Variants in SKOR1 observed in about 807,000 individuals in gnomAD.
SKOR1 encodes the protein LBX1 corepressor 1.
A neutral mutation model predicts 72.4 loss-of-function variants in SKOR1; 38 were observed. That is an observed-to-expected ratio of 0.52 (90% CI 0.40 to 0.69). SKOR1 has a LOEUF of 0.69. Ranked by LOEUF, SKOR1 falls within the 30% of genes least tolerant of loss-of-function variation. The probability of loss-of-function intolerance (pLI) is 0.00; values close to 1 mark genes in which losing one functional copy is unlikely to be tolerated. For missense variants in SKOR1, 1,320 were observed against 1,343.2 expected (o/e 0.98, Z 0.27); for synonymous variants, 642 against 599.4 (o/e 1.07, Z -1.04).
At position 67,828,046 on chromosome 15, in the gene SKOR1, G is replaced by A. The variant is rs2090979229; in HGVS notation, c.2218G>A (p.Asp740Asn). The A allele has an allele frequency of 6.5e-7, 1 of 1,539,084 alleles. No homozygotes were observed. Among genetic ancestry groups the A allele is most frequent in the Non-Finnish European group, 8.7e-7 (1 of 1,144,950 alleles). Residue 740 changes from aspartate to asparagine, a missense_variant, in exon 2 of 9, where the codon GAC (aspartate) becomes AAC (asparagine). Physicochemically the swap from Asp to Asn is conservative, Grantham distance 23. Around this residue, in one of 3 missense-constraint regions of SKOR1, gnomAD observed 1,099 missense variants for 1,025.5 expected, o/e 1.07. Transcript: ENST00000380035. ...CGCATTTGGGGACTTGGCAGCCGAA[G>A]ACTTGGTGCGGAGACCTGAGAGGAG... is the stretch of plus-strand genomic sequence containing the variant. The part of the protein sequence containing the change: ...RPAFGDLAAE[D>N]LVRRPERSPP...
At position 67,826,108 on chromosome 15, in the gene SKOR1, G is replaced by A. The variant is rs761119999; in HGVS notation, c.280G>A (p.Gly94Ser). The A allele has an allele frequency of 3.1e-6, 5 of 1,599,734 alleles. No homozygotes were observed. In the South Asian group the frequency reaches 3.3e-5, roughly 11 times the overall value. ...GCCCATTGTGTCGCTGGTCATCGAC[G>A]GCCAGGAGCGCCTATGCCTGGCGCA... Reference protein sequence around the residue: ...GVPIVSLVIDGQERLCLAQIS... With the variant: ...GVPIVSLVIDSQERLCLAQIS... The change falls in exon 2 of 9, where the codon GGC (glycine) becomes AGC (serine). Residue 94 changes from glycine to serine, a missense_variant. This residue lies in a region of SKOR1 where 120 missense variants were observed against 104.9 expected (regional missense o/e 1.14). Transcript: ENST00000380035.
intron 2 of SKOR1, among the ~76,000 whole-genome samples, chr15:67,828,623 G>A (rs1011841393): frequency 6.6e-6 from 1 of 152,098 alleles, no homozygotes. Context: ...ACCCCAACTC[G>A]CAGTTTTCCG....
In SKOR1 at chr15:67,827,577, G is replaced by A; in HGVS notation, c.1749G>A (p.Pro583=). 3 of 1,516,266 alleles carry A rather than the reference G, an allele frequency of 2.0e-6. No homozygotes were observed. Among genetic ancestry groups the A allele is most frequent in the African/African-American group, 1.4e-5 (1 of 70,928 alleles). 93.9% of individuals were successfully genotyped at this position (1,516,266 alleles called of 1,614,324 possible). A position where few individuals can be genotyped will look rare whatever the true frequency, so the allele number is the denominator to read the frequency against. The part of the protein sequence containing the change: ...PPLAPLPPPP[P]PPARKGSYVS... ...TGGCCCCGTTGCCCCCGCCGCCCCC[G>A]CCGCCCGCACGCAAAGGCTCCTACG... is the stretch of plus-strand genomic sequence containing the variant. The change falls in exon 2 of 9, where the codon CCG becomes CCA. Residue 583 remains proline, a synonymous_variant. Transcript: ENST00000380035.
rs1223998377 is a variant in SKOR1, at chr15:67,832,794, A to AT, written c.2737+120dup. Reference sequence around the variant, plus strand: ...TTAAATTGAAGGTAATTTAACAATTATTTTTTTATTTAATATGCTTTGTAT... The same window carrying AT: ...TTAAATTGAAGGTAATTTAACAATTATTTTTTTTATTTAATATGCTTTGTAT... On this transcript the variant is annotated intron_variant, in intron 7 of 8. Transcript: ENST00000380035. The surrounding 1 kb of genome is among the most constrained non-coding windows in gnomAD (Gnocchi z 4.5). 12 of 884,424 alleles carry AT rather than the reference A, an allele frequency of 1.4e-5. No individual in the cohort carries two copies. Among genetic ancestry groups the AT allele is most frequent in the African/African-American group, 5.1e-5 (3 of 59,008 alleles). 54.8% of individuals were successfully genotyped at this position (884,424 alleles called of 1,614,324 possible).
rs1320315004 is a variant in SKOR1, at chr15:67,833,610, T to TC, written c.2804-130dup. The TC allele has an allele frequency of 2.2e-6, 2 of 924,820 alleles. No individual in the cohort carries two copies. Among genetic ancestry groups the TC allele is most frequent in the Non-Finnish European group, 3.5e-6 (2 of 572,274 alleles). 57.3% of individuals were successfully genotyped at this position (924,820 alleles called of 1,614,324 possible). A position where few individuals can be genotyped will look rare whatever the true frequency, so the allele number is the denominator to read the frequency against. On this transcript the variant is annotated intron_variant, in intron 8 of 8. Coordinates refer to ENST00000380035, the MANE Select transcript of SKOR1 (RefSeq NM_001365915.1). This position sits in a 1 kb window ranked among gnomAD's most constrained non-coding sequence, Gnocchi z 6.0. ...CCAGCTTTTGTCCTACCCTCCTGCC[T>TC]CCTCCTGATCCGCTCGGTTGAGATT...
rs1219146822 is a variant in SKOR1, at chr15:67,833,722, C to T, written c.2804-20C>T. ...AGCCTGGAGAGGCGCCCAGAGTGAC[C>T]CTCGCGACTGTCTCCCCAGAAGCCC... is the stretch of plus-strand genomic sequence containing the variant. On this transcript the variant is annotated intron_variant, in intron 8 of 8. Transcript: ENST00000380035. This position sits in a 1 kb window ranked among gnomAD's most constrained non-coding sequence, Gnocchi z 6.0. 1 of 1,612,704 alleles carries T rather than the reference C, an allele frequency of 6.2e-7. No homozygotes were observed. The highest frequency in any genetic ancestry group is 1.1e-5 in the South Asian group (1 of 91,076).
chr15:67,831,902 G>GC lies in SKOR1; in HGVS notation c.2588-371dup, dbSNP rs1371060780. ...TGATTTATATTGAAAGGGCGGCGGT[G>GC]CGGGGGGGGGAGGTCGGGGCCGGGG... is the stretch of plus-strand genomic sequence containing the variant. On this transcript the variant is annotated intron_variant, in intron 5 of 8. Coordinates refer to ENST00000380035, the MANE Select transcript of SKOR1 (RefSeq NM_001365915.1). 1.9e-3 allele frequency among the ~76,000 whole-genome samples: 253 copies of GC among 132,134 alleles called. 1 individual carries two copies. The highest frequency in any genetic ancestry group is 6.3e-3 in the African/African-American group (211 of 33,268). The allele number at this position is 132,134 out of a possible 152,430, so 86.7% of individuals were successfully genotyped here.
intron 5 of SKOR1, among the ~76,000 whole-genome samples, chr15:67,832,000 G>A (rs973363577): frequency 2.0e-5 from 3 of 151,976 alleles, no homozygotes; most frequent in Admixed American, 1.3e-4. Context: ...AGGGAGTGAG[G>A]AACAACTTAA....
At position 67,827,867 on chromosome 15, in the gene SKOR1, C is replaced by T. The variant is rs563457987; in HGVS notation, c.2039C>T (p.Pro680Leu). 7.9e-5 allele frequency: 126 copies of T among 1,600,438 alleles called. No individual in the cohort carries two copies. The South Asian group carries it at 1.1e-3, about 14-fold the overall frequency. Residue 680 changes from proline to leucine, a missense_variant, in exon 2 of 9, where the codon CCC (proline) becomes CTC (leucine). This residue lies in a region of SKOR1 where 1,099 missense variants were observed against 1,025.5 expected (regional missense o/e 1.07). Transcript: ENST00000380035. ...DDEDAQEETE[P>L]SAPSAGGGPD... is the part of the protein sequence containing the mutation. ...GAGGACGCCCAAGAGGAGACCGAGCCCAGCGCACCCAGCGCAGGGGGCGGC... is the reference window on the plus strand; with the variant it reads ...GAGGACGCCCAAGAGGAGACCGAGCTCAGCGCACCCAGCGCAGGGGGCGGC...
rs2091003376 is a variant in SKOR1 at position 67,830,867 on chromosome 15, A to G, written c.2565A>G (p.Lys855=). The change falls in exon 5 of 9, where the codon AAA becomes AAG. Residue 855 remains lysine (K), a synonymous_variant. Coordinates refer to ENST00000380035, the MANE Select transcript of SKOR1 (RefSeq NM_001365915.1). ...TCACAGGAACTCATTTGGTGGAGAAAGATATCGAGAACCTGGCCAGAGGTG... is the reference window on the plus strand; with the variant it reads ...TCACAGGAACTCATTTGGTGGAGAAGGATATCGAGAACCTGGCCAGAGGTG... ...LDVTGTHLVE[K]DIENLAREEL... is the part of the protein sequence containing the mutation. 1 of 1,614,072 alleles carries G rather than the reference A, an allele frequency of 6.2e-7. No homozygotes were observed. Among genetic ancestry groups the G allele is most frequent in the Non-Finnish European group, 8.5e-7 (1 of 1,180,032 alleles).
rs1331926721 is a variant in SKOR1, at chr15:67,827,489, C to T, written c.1661C>T (p.Pro554Leu). Reference protein sequence around the residue: ...ESGLGAEERCPSALSRGPLDE... With the variant: ...ESGLGAEERCLSALSRGPLDE... ...GGCCTCGGCGCGGAGGAGCGCTGCCCGAGCGCTCTGTCCCGCGGGCCCCTG... is the reference window on the plus strand; with the variant it reads ...GGCCTCGGCGCGGAGGAGCGCTGCCTGAGCGCTCTGTCCCGCGGGCCCCTG... Residue 554 changes from proline (P) to leucine (L), a missense_variant, in exon 2 of 9, where the codon CCG (proline) becomes CTG (leucine). Pro to Leu is a moderately conservative substitution (Grantham distance 98, BLOSUM62 -3). Coordinates refer to ENST00000380035, the MANE Select transcript of SKOR1 (RefSeq NM_001365915.1). The T allele has an allele frequency of 6.6e-7, 1 of 1,522,196 alleles. No individual in the cohort carries two copies. Among genetic ancestry groups the T allele is most frequent in the Non-Finnish European group, 8.8e-7 (1 of 1,142,094 alleles). 94.3% of individuals were successfully genotyped at this position (1,522,196 alleles called of 1,614,324 possible). A position where few individuals can be genotyped will look rare whatever the true frequency, so the allele number is the denominator to read the frequency against.
chr15:67,832,796 T>G lies in SKOR1; in HGVS notation c.2737+115T>G. On this transcript the variant is annotated intron_variant, in intron 7 of 8. Coordinates refer to ENST00000380035, the MANE Select transcript of SKOR1 (RefSeq NM_001365915.1). This position sits in a 1 kb window ranked among gnomAD's most constrained non-coding sequence, Gnocchi z 4.5. ...AAATTGAAGGTAATTTAACAATTATTTTTTTATTTAATATGCTTTGTATAC... is the reference window on the plus strand; with the variant it reads ...AAATTGAAGGTAATTTAACAATTATGTTTTTATTTAATATGCTTTGTATAC... 1 of 889,590 alleles carries G rather than the reference T, an allele frequency of 1.1e-6. No homozygotes were observed. The highest frequency in any genetic ancestry group is 2.3e-5 in the Admixed American group (1 of 44,012). 55.1% of individuals were successfully genotyped at this position (889,590 alleles called of 1,614,324 possible).
In SKOR1 at chr15:67,832,576, G is replaced by T. The variant is rs755430734; in HGVS notation, c.2663-31G>T. ...GTGGAGCCGGGAGAGGGGGCTGTGCGTAACAGCTCTCACTTAATCAATTTG... is the reference window on the plus strand; with the variant it reads ...GTGGAGCCGGGAGAGGGGGCTGTGCTTAACAGCTCTCACTTAATCAATTTG... On this transcript the variant is annotated intron_variant, in intron 6 of 8. Coordinates refer to ENST00000380035, the MANE Select transcript of SKOR1 (RefSeq NM_001365915.1). The surrounding 1 kb of genome is among the most constrained non-coding windows in gnomAD (Gnocchi z 4.5). The T allele has an allele frequency of 6.3e-7, 1 of 1,596,614 alleles. No individual in the cohort carries two copies. Among genetic ancestry groups the T allele is most frequent in the African/African-American group, 1.3e-5 (1 of 74,596 alleles).
At chr15:67,831,815 G>A (rs2091009294) in intron 5 of SKOR1, among the ~76,000 whole-genome samples, 1 of 151,626 alleles carries the variant, frequency 6.6e-6, no homozygotes. Context: ...TGAAATTGCA[G>A]GCAAACTGTT....
chr15:67,830,930 G>A, intron 5 of SKOR1, 41 bp downstream of exon 5: 1 of 1,589,418 alleles, frequency 6.3e-7, no homozygotes, highest in Non-Finnish European at 8.6e-7. Flanking sequence ...CTGTGCTTGA[G>A]AGTGATGGGT....
chr15:67,829,717 A>C (rs2090993386), intron 3 of SKOR1, among the ~76,000 whole-genome samples: 1 of 152,184 alleles, frequency 6.6e-6, no homozygotes, highest in South Asian at 2.1e-4. Context: ...GCCGCCCTGC[A>C]CTTGCGCGCC....
Position 67,826,434 on chromosome 15 carries a change from C to T in SKOR1, c.606C>T (p.Ser202=). 2 of 1,614,132 alleles carry T rather than the reference C, an allele frequency of 1.2e-6. No homozygotes were observed. Among genetic ancestry groups the T allele is most frequent in the Non-Finnish European group, 1.7e-6 (2 of 1,180,034 alleles). Residue 202 remains serine, a synonymous_variant, in exon 2 of 9, where the codon AGC becomes AGT. Coordinates refer to ENST00000380035, the MANE Select transcript of SKOR1 (RefSeq NM_001365915.1). ...GCTTCATCCCTGCGCGTTACAACAG[C>T]TCTCGTGCCAAGTGCATCAAGTGCG... ...RGSFIPARYN[S]SRAKCIKCGY...
Position 67,826,480 on chromosome 15 carries a change from T to G in SKOR1, c.652T>G (p.Ser218Ala), listed in dbSNP as rs2090959200. 1.9e-6 allele frequency: 3 copies of G among 1,613,894 alleles called. No individual in the cohort carries two copies. Among genetic ancestry groups the G allele is most frequent in the Non-Finnish European group, 2.5e-6 (3 of 1,179,946 alleles). ...GTGCGGCTACTGCAGCATGTACTTCTCGCCCAACAAGTTCATCTTCCACTC... is the reference window on the plus strand; with the variant it reads ...GTGCGGCTACTGCAGCATGTACTTCGCGCCCAACAAGTTCATCTTCCACTC... Reference protein sequence around the residue: ...IKCGYCSMYFSPNKFIFHSHR... With the variant: ...IKCGYCSMYFAPNKFIFHSHR... The change falls in exon 2 of 9, where the codon TCG (serine) becomes GCG (alanine). Residue 218 changes from serine to alanine, a missense_variant. By Grantham distance (99) the Ser-to-Ala change is moderately conservative. Transcript: ENST00000380035.
chr15:67,828,131 C>G lies in SKOR1; in HGVS notation c.2303C>G (p.Pro768Arg). The G allele has an allele frequency of 6.7e-7, 1 of 1,487,034 alleles. No homozygotes were observed. The highest frequency in any genetic ancestry group is 8.9e-7 in the Non-Finnish European group (1 of 1,127,372). The allele number at this position is 1,487,034 out of a possible 1,614,324, so 92.1% of individuals were successfully genotyped here. The part of the protein sequence containing the change: ...LREPCGPLGG[P>R]APAKVFAPER... ...GAGCCTTGCGGGCCCCTAGGAGGCC[C>G]CGCGCCGGCCAAGGTGAGCCCCGCG... The change falls in exon 2 of 9, where the codon CCC becomes CGC. Residue 768 changes from proline to arginine, a missense_variant. Transcript: ENST00000380035.
Sources: gnomAD v4.1 joint callset for allele counts (sites outside exome capture counted in the v4.1 genomes callset) on GRCh38, gnomAD v4.1.1 for gene constraint, gnomAD v4.1.1 regional missense constraint, Gnocchi (gnomAD v3.1) non-coding constraint, MANE v1.5 for transcripts, NCBI Gene and HGNC (gene_info 2026-07-23, HGNC 2026-07-21) for gene names.